SHISA9: variants seen among roughly 807,000 people sequenced by gnomAD.
SHISA9 encodes the protein shisa family member 9.
Under a neutral mutation model 38.0 loss-of-function variants are expected in SHISA9, and 13 were observed. The ratio of observed to expected loss-of-function variants is 0.34; its 90% CI spans 0.22 to 0.54. SHISA9 has a LOEUF of 0.54. SHISA9 is among the 20% of genes least tolerant of loss of function. The pLI is 0.91. For synonymous variants in SHISA9, 275 were observed against 242.0 expected, an observed-to-expected ratio of 1.14 and a Z score of -1.27; for missense variants, 538 against 575.8, an observed-to-expected ratio of 0.93 and a Z score of 0.67.
At chr16:13,153,985 C>T (rs1357859047) in intron 2 of SHISA9, among the ~76,000 whole-genome samples, 1 of 151,978 alleles carries the variant, frequency 6.6e-6, no homozygotes, top group Non-Finnish European at 1.5e-5. Flanking sequence ...GGGTTGAAAG[C>T]TCCTCTTTGT....
At chr16:12,920,967 T>A (rs1029769000) in intron 2 of SHISA9, among the ~76,000 whole-genome samples, 1 of 152,162 alleles carries the variant, frequency 6.6e-6, no homozygotes, top group Admixed American at 6.5e-5. Context: ...CCAGAAGCGA[T>A]TACAAAGACT....
the SHISA9 span, among the ~76,000 whole-genome samples, chr16:13,305,687 G>T: frequency 6.6e-6 from 1 of 152,270 alleles, no homozygotes; most frequent in East Asian, 1.9e-4. Flanking sequence ...TTTGAATCTT[G>T]AGATGAAGAC....
chr16:13,027,071 G>T (rs777287453), intron 2 of SHISA9, among the ~76,000 whole-genome samples: 2 of 152,096 alleles, frequency 1.3e-5, no homozygotes, highest in Non-Finnish European at 2.9e-5. Flanking sequence ...GGTCTTTTGG[G>T]GTATAGCCCA....
chr16:13,074,646 TTTC>T (rs1308217351), intron 2 of SHISA9, among the ~76,000 whole-genome samples: 1 of 151,960 alleles, frequency 6.6e-6, no homozygotes, highest in Non-Finnish European at 1.5e-5. Flanking sequence ...ATTTTTTTCT[TTTC>T]TTTTCTCTTT....
chr16:13,397,580 G>A, the SHISA9 span, among the ~76,000 whole-genome samples: 2 of 152,230 alleles, frequency 1.3e-5, no homozygotes, highest in South Asian at 2.1e-4. Flanking sequence ...AATTACAGGT[G>A]CACGCCACCA....
intron 1 of SHISA9, chr16:12,908,457 A>T: frequency 1.3e-6 from 2 of 1,551,490 alleles, no homozygotes; most frequent in Non-Finnish European, 1.7e-6. Context: ...GTTTAATTTC[A>T]TACCCTTCCC....
the SHISA9 span, among the ~76,000 whole-genome samples, chr16:13,258,804 A>G: frequency 1.3e-5 from 2 of 152,208 alleles, no homozygotes; most frequent in Non-Finnish European, 2.9e-5. Flanking sequence ...ACTGGCTCCC[A>G]TGATTCAATT....
At chr16:13,521,582 C>T in the SHISA9 span, among the ~76,000 whole-genome samples, 3 of 152,152 alleles carry the variant, frequency 2.0e-5, no homozygotes, top group African/African-American at 4.8e-5. Flanking sequence ...TGAAGAAACC[C>T]CAGGGGTTCT....
intron 2 of SHISA9, among the ~76,000 whole-genome samples, chr16:13,023,980 T>G (rs35040878): frequency 0.25 from 37,589 of 152,102 alleles, 5,075 homozygotes; most frequent in East Asian, 0.43. Context: ...CACCTACAAC[T>G]CTGGGAACAG....
rs573695802 is a variant in SHISA9 at position 13,088,487 on chromosome 16, C to T, written c.692-114907C>T. 2.1e-4 allele frequency among the ~76,000 whole-genome samples: 32 copies of T among 152,300 alleles called. No homozygotes were observed. In the East Asian group the frequency reaches 5.2e-3, roughly 25 times the overall value. ...CATTTGTTTGTGTCCTCCTTTATTT[C>T]GCTGAGCAGTGGTTTGTAGTTCTCC... On this transcript the variant is annotated intron_variant, in intron 2 of 4. Coordinates refer to ENST00000558583, the MANE Select transcript of SHISA9 (RefSeq NM_001145204.3).
At chr16:13,370,342 A>C in the SHISA9 span, among the ~76,000 whole-genome samples, 298 of 152,332 alleles carry the variant, frequency 2.0e-3, 2 homozygotes, top group African/African-American at 7.0e-3. Context: ...TGATATGGGG[A>C]CCAGGTCTTT....
the SHISA9 span, among the ~76,000 whole-genome samples, chr16:13,399,367 C>T: frequency 6.6e-6 from 1 of 152,116 alleles, no homozygotes; most frequent in Admixed American, 6.6e-5. Flanking sequence ...AAATAAATGG[C>T]CAAGGTTTTA....
At chr16:13,189,212 A>T (rs571935090) in intron 2 of SHISA9, among the ~76,000 whole-genome samples, 2 of 152,332 alleles carry the variant, frequency 1.3e-5, no homozygotes, top group South Asian at 4.1e-4. Flanking sequence ...AGATGAATAC[A>T]GGGAGCTACA....
chr16:13,195,471 A>C (rs1336172264), intron 2 of SHISA9, among the ~76,000 whole-genome samples: 1 of 152,252 alleles, frequency 6.6e-6, no homozygotes. Flanking sequence ...CAAATCTTCC[A>C]TGAGGAATAA....
chr16:12,970,461 A>ATG (rs1247338051), intron 2 of SHISA9, among the ~76,000 whole-genome samples: 750 of 62,612 alleles, frequency 0.012, 59 homozygotes, highest in East Asian at 0.067. Context: ...ATATACATAT[A>ATG]TGTGTGTGTA....
At position 13,027,927 on chromosome 16, in the gene SHISA9, C is replaced by CAAAAAA. The variant is rs201210384; in HGVS notation, c.691+111117_691+111118insAAAAAA. On this transcript the variant is annotated intron_variant, in intron 2 of 4. Coordinates refer to ENST00000558583, the MANE Select transcript of SHISA9 (RefSeq NM_001145204.3). ...GGGTGACTAGAGTGAAGCTCTGTCT[C>CAAAAAA]AAAAACAAAAAAAAAAAAAAAAAAA... is the stretch of plus-strand genomic sequence containing the variant. Among the ~76,000 whole-genome samples the CAAAAAA allele has an allele frequency of 2.7e-4, 8 of 29,388 alleles. 1 individual carries two copies. Among genetic ancestry groups the CAAAAAA allele is most frequent in the Non-Finnish European group, 3.7e-4 (6 of 16,218 alleles). The allele number at this position is 29,388 out of a possible 152,430, so 19.3% of individuals were successfully genotyped here. A position where few individuals can be genotyped will look rare whatever the true frequency, so the allele number is the denominator to read the frequency against.
At chr16:13,093,977 G>A (rs559090606) in intron 2 of SHISA9, among the ~76,000 whole-genome samples, 10 of 152,030 alleles carry the variant, frequency 6.6e-5, no homozygotes, top group African/African-American at 1.4e-4. Flanking sequence ...TTCTGCCTGC[G>A]TCCCAGCCAC....
chr16:13,332,831 A>T, the SHISA9 span, among the ~76,000 whole-genome samples: 5 of 152,176 alleles, frequency 3.3e-5, no homozygotes, highest in African/African-American at 1.2e-4. Context: ...CTCTGTCCTG[A>T]TGTTACTCAT....
At chr16:13,072,470 C>T (rs181265619) in intron 2 of SHISA9, among the ~76,000 whole-genome samples, 7 of 152,168 alleles carry the variant, frequency 4.6e-5, no homozygotes, top group Admixed American at 3.3e-4. Context: ...AAATTCCAGC[C>T]GGAGGCCTTC....
Sources: gnomAD v4.1 joint callset for allele counts (sites outside exome capture counted in the v4.1 genomes callset) on GRCh38, gnomAD v4.1.1 for gene constraint, MANE v1.5 for transcripts, NCBI Gene and HGNC (gene_info 2026-07-23, HGNC 2026-07-21) for gene names.